POU6F2: variants seen among roughly 807,000 people sequenced by gnomAD.
POU6F2 encodes the protein POU class 6 homeobox 2, also known as POU domain, class 6, transcription factor 2.
A neutral mutation model predicts 71.3 loss-of-function variants in POU6F2; 31 were observed. That is an observed-to-expected ratio of 0.43 (90% CI 0.33 to 0.59). The LOEUF is 0.59. POU6F2 is among the 20% of genes least tolerant of loss of function. The pLI, the probability that POU6F2 is intolerant of heterozygous loss-of-function variation, is 0.04. For synonymous variants in POU6F2, 347 were observed against 355.7 expected, an observed-to-expected ratio of 0.98 and a Z score of 0.27; for missense variants, 783 against 856.8, an observed-to-expected ratio of 0.91 and a Z score of 1.07.
intron 1 of POU6F2, among the ~76,000 whole-genome samples, chr7:39,063,890 G>T (rs1276252984): frequency 6.6e-6 from 1 of 152,046 alleles, no homozygotes; most frequent in African/African-American, 2.4e-5. Flanking sequence ...GCCAAAAGTA[G>T]CAATATAACA....
chr7:39,171,230 C>T (rs962840282), intron 2 of POU6F2, among the ~76,000 whole-genome samples: 4 of 151,662 alleles, frequency 2.6e-5, no homozygotes, highest in Admixed American at 6.6e-5. Context: ...ATGATGTTCC[C>T]GTCCCTGTGT....
chr7:39,405,086 C>G (rs1176092657), intron 5 of POU6F2: 2 of 152,062 alleles, frequency 1.3e-5, no homozygotes, highest in African/African-American at 4.8e-5. Context: ...AATGGATTCT[C>G]ATTTTTTTTA....
rs1191162432 is a variant in POU6F2, at chr7:39,064,124, GA to G, written c.106-21733del. 7.9e-5 allele frequency among the ~76,000 whole-genome samples: 12 copies of G among 152,166 alleles called. No homozygotes were observed. The South Asian group carries it at 1.9e-3, about 24-fold the overall frequency. ...GATATGAAGCAGACTGAATAACTTA[GA>G]AATTTAGTTAAGAAATTGAATACAA... is the stretch of plus-strand genomic sequence containing the variant. On this transcript the variant is annotated intron_variant, in intron 1 of 9. Transcript: ENST00000518318.
At chr7:39,001,258 A>T (rs1788896433) in intron 1 of POU6F2, among the ~76,000 whole-genome samples, 2 of 147,348 alleles carry the variant, frequency 1.4e-5, no homozygotes, top group East Asian at 4.0e-4. Context: ...GGCCATTTTG[A>T]TTTTTTTTTT....
chr7:39,103,893 C>CAAAT (rs2128724187), intron 2 of POU6F2, among the ~76,000 whole-genome samples: 1 of 152,210 alleles, frequency 6.6e-6, no homozygotes, highest in East Asian at 1.9e-4. Context: ...ACATCATGGA[C>CAAAT]AAATATACAG....
At chr7:38,982,552 G>T (rs756380754) in intron 1 of POU6F2, among the ~76,000 whole-genome samples, 2 of 151,872 alleles carry the variant, frequency 1.3e-5, no homozygotes, top group Non-Finnish European at 2.9e-5. Flanking sequence ...TCACCAGATG[G>T]ACTTAATTTT....
At position 38,990,602 on chromosome 7, in the gene POU6F2, T is replaced by TA. The variant is rs561850080; in HGVS notation, c.105+12545dup. ...TCAACATGATCTTCAACAAAGCACT[T>TA]ACTGCTTTGGAACATCAGAAGGGAA... On this transcript the variant is annotated intron_variant, in intron 1 of 9. Transcript: ENST00000518318. Among the ~76,000 whole-genome samples, 6 of 152,284 alleles carry TA rather than the reference T, an allele frequency of 3.9e-5. No individual in the cohort carries two copies. In the East Asian group the frequency reaches 1.2e-3, roughly 29 times the overall value.
intron 4 of POU6F2, among the ~76,000 whole-genome samples, chr7:39,208,691 G>A (rs914618551): frequency 3.3e-5 from 5 of 152,112 alleles, no homozygotes; most frequent in African/African-American, 1.2e-4. Flanking sequence ...AGTCTCTCTT[G>A]TACCATTAAA....
intron 4 of POU6F2, among the ~76,000 whole-genome samples, chr7:39,320,450 T>G (rs1351318725): frequency 6.6e-6 from 1 of 152,076 alleles, no homozygotes; most frequent in Non-Finnish European, 1.5e-5. Context: ...TATAAACACA[T>G]CTCTCGGTAA....
At chr7:39,140,923 C>T (rs989561008) in intron 2 of POU6F2, among the ~76,000 whole-genome samples, 2 of 152,128 alleles carry the variant, frequency 1.3e-5, no homozygotes, top group African/African-American at 4.8e-5. Flanking sequence ...GGCAGGATGT[C>T]TGGTTAGGAC....
intron 1 of POU6F2, among the ~76,000 whole-genome samples, chr7:39,065,482 A>G (rs938091513): frequency 2.6e-5 from 4 of 151,644 alleles, no homozygotes; most frequent in Non-Finnish European, 5.9e-5. Context: ...AAAGATAATG[A>G]AAATAAAAGA....
chr7:39,015,956 T>A (rs1789511290), intron 1 of POU6F2, among the ~76,000 whole-genome samples: 1 of 91,344 alleles, frequency 1.1e-5, no homozygotes, highest in Non-Finnish European at 1.9e-5. Context: ...ATATTATATA[T>A]TGTATATTGA....
chr7:39,222,434 AT>A (rs1562752885), intron 4 of POU6F2, among the ~76,000 whole-genome samples: 1 of 152,174 alleles, frequency 6.6e-6, no homozygotes, highest in Non-Finnish European at 1.5e-5. Context: ...CATCTTAACC[AT>A]TTTTAAGTGT....
intron 1 of POU6F2, among the ~76,000 whole-genome samples, chr7:39,058,030 C>A (rs1397942669): frequency 6.6e-6 from 1 of 152,156 alleles, no homozygotes. Context: ...CCTGCGGGTA[C>A]CCAGTCTGTT....
At chr7:39,123,602 T>G (rs1792087293) in intron 2 of POU6F2, among the ~76,000 whole-genome samples, 1 of 152,244 alleles carries the variant, frequency 6.6e-6, no homozygotes, top group African/African-American at 2.4e-5. Flanking sequence ...GAGCCATCTC[T>G]ATTGTCCTTT....
chr7:39,344,392 G>A (rs977520591), intron 5 of POU6F2, among the ~76,000 whole-genome samples: 5 of 152,082 alleles, frequency 3.3e-5, no homozygotes, highest in East Asian at 3.9e-4. Flanking sequence ...AAACTGCATC[G>A]GAATCCCACC....
intron 1 of POU6F2, among the ~76,000 whole-genome samples, chr7:39,035,404 G>A (rs1790035522): frequency 2.0e-5 from 3 of 152,054 alleles, no homozygotes; most frequent in Admixed American, 2.0e-4. Flanking sequence ...GGAAGGCACT[G>A]GCGTTTTCTG....
intron 4 of POU6F2, among the ~76,000 whole-genome samples, chr7:39,228,798 A>G (rs769417364): frequency 4.6e-5 from 7 of 152,240 alleles, no homozygotes; most frequent in Non-Finnish European, 7.3e-5. Flanking sequence ...TTTGGGTTGT[A>G]ATTGCAGCCC....
At chr7:39,373,068 C>T (rs1786644669) in intron 5 of POU6F2, among the ~76,000 whole-genome samples, 1 of 152,142 alleles carries the variant, frequency 6.6e-6, no homozygotes, top group Admixed American at 6.5e-5. Context: ...AGTTGCTTAG[C>T]CCTTTTATGC....
Sources: gnomAD v4.1 joint callset for allele counts (sites outside exome capture counted in the v4.1 genomes callset) on GRCh38, gnomAD v4.1.1 for gene constraint, MANE v1.5 for transcripts, NCBI Gene and HGNC (gene_info 2026-07-23, HGNC 2026-07-21) for gene names.